The following DHRS3 variants were observed in gnomAD, a reference collection of about 807,000 sequenced individuals.
DHRS3 encodes the protein dehydrogenase/reductase 3, also known as short-chain dehydrogenase/reductase 3.
A neutral mutation model predicts 27.2 loss-of-function variants in DHRS3; 14 were observed. The observed-to-expected ratio is 0.52, with a 90% CI of 0.34 to 0.81. The LOEUF is 0.81. DHRS3 is among the 30% of genes least tolerant of loss of function. The probability of loss-of-function intolerance (pLI) is 0.01; values close to 1 mark genes in which losing one functional copy is unlikely to be tolerated. For synonymous variants in DHRS3, 165 were observed against 175.9 expected (o/e 0.94, Z 0.49); for missense variants, 322 against 406.2 (o/e 0.79, Z 1.78).
At chr1:12,595,440 G>C (rs1646787518) in intron 1 of DHRS3, among the ~76,000 whole-genome samples, 2 of 150,486 alleles carry the variant, frequency 1.3e-5, no homozygotes. Flanking sequence ...GGCTGGGCGG[G>C]GCTGCAGTGC....
chr1:12,583,646 A>C (rs1570368628), intron 1 of DHRS3, among the ~76,000 whole-genome samples: 4 of 104,770 alleles, frequency 3.8e-5, no homozygotes, highest in African/African-American at 1.1e-4. Context: ...TCCCTCACAT[A>C]CCCCACTCCA....
Position 12,578,689 on chromosome 1 carries a change from G to A in DHRS3, c.698+29C>T. On this transcript the variant is annotated intron_variant, in intron 4 of 5. Coordinates refer to ENST00000616661, the MANE Select transcript of DHRS3 (RefSeq NM_004753.7). This position sits in a 1 kb window ranked among gnomAD's most constrained non-coding sequence, Gnocchi z 4.5. ...CTTGGGGAGGCAGGTGAGAAGGCTG[G>A]TCTCAAGGTGGGTCCCCTGCTCACT... 3 of 1,590,468 alleles carry A rather than the reference G, an allele frequency of 1.9e-6. No individual in the cohort carries two copies. The highest frequency in any genetic ancestry group is 2.6e-6 in the Non-Finnish European group (3 of 1,159,428).
At position 12,617,858 on chromosome 1, in the gene DHRS3, A is replaced by AG. The variant is rs1491103053; in HGVS notation, c.-511dup. ...GCGCCCCCACCCCCACCCCGTCTCC[A>AG]GAAAAAAAAAAAAAAAAAAAGTGGG... On this transcript the variant is annotated 5_prime_UTR_variant, in exon 1 of 6. Transcript: ENST00000616661. 4 of 29,334 alleles carry AG rather than the reference A, an allele frequency of 1.4e-4. No homozygotes were observed. In the South Asian group the frequency reaches 3.5e-3, roughly 26 times the overall value. 1.8% of individuals were successfully genotyped at this position (29,334 alleles called of 1,614,324 possible).
chr1:12,599,873 T>C (rs1646823227), intron 1 of DHRS3, among the ~76,000 whole-genome samples: 1 of 152,216 alleles, frequency 6.6e-6, no homozygotes, highest in Non-Finnish European at 1.5e-5. Context: ...GCCCTAGTAT[T>C]TCCATCTTTA....
chr1:12,571,747 T>A (rs1216328531), intron 5 of DHRS3, among the ~76,000 whole-genome samples: 4 of 152,148 alleles, frequency 2.6e-5, no homozygotes, highest in Admixed American at 2.6e-4. Flanking sequence ...TTGGTCAGGC[T>A]GGTCTCGAAC....
intron 5 of DHRS3, among the ~76,000 whole-genome samples, chr1:12,569,229 T>TCACACACACA (rs1557509306): frequency 1.9e-3 from 273 of 140,344 alleles, no homozygotes; most frequent in African/African-American, 6.4e-3. Context: ...TCTCTCTCTC[T>TCACACACACA]CTCACACACA....
intron 1 of DHRS3, among the ~76,000 whole-genome samples, chr1:12,614,241 G>T (rs1007655310): frequency 6.6e-6 from 1 of 152,132 alleles, no homozygotes; most frequent in African/African-American, 2.4e-5. Context: ...TCCTCTCAGG[G>T]GCTCCTGCTA....
At chr1:12,596,131 T>G (rs1267008596) in intron 1 of DHRS3, 1 of 152,202 alleles carries the variant, frequency 6.6e-6, no homozygotes, top group Non-Finnish European at 1.5e-5. Flanking sequence ...CCACCAGACA[T>G]TGCAACACGC....
rs1002951170 is a variant in DHRS3 at position 12,616,861 on chromosome 1, G to A, written c.195+293C>T. The A allele has an allele frequency of 4.5e-5, 50 of 1,120,646 alleles. No individual in the cohort carries two copies. In the Admixed American group the frequency reaches 8.0e-4, roughly 18 times the overall value. 69.4% of individuals were successfully genotyped at this position (1,120,646 alleles called of 1,614,324 possible). On this transcript the variant is annotated intron_variant, in intron 1 of 5. Transcript: ENST00000616661. ...GGGGGCACAACACCTTCCTTTGGGA[G>A]GCAGGAATGTGGGAAATGGTGGGTC...
chr1:12,573,799 T>C (rs1459897120), intron 4 of DHRS3, among the ~76,000 whole-genome samples: 60 of 152,222 alleles, frequency 3.9e-4, no homozygotes, highest in Non-Finnish European at 1.0e-4. Context: ...AATGATGATG[T>C]TCCCTACGTG....
intron 1 of DHRS3, among the ~76,000 whole-genome samples, chr1:12,581,615 C>T (rs1488739389): frequency 6.6e-6 from 1 of 152,178 alleles, no homozygotes; most frequent in African/African-American, 2.4e-5. Context: ...TTATGAATGG[C>T]CAGCCCATAA....
At chr1:12,599,469 A>G (rs1646821107) in intron 1 of DHRS3, among the ~76,000 whole-genome samples, 1 of 152,260 alleles carries the variant, frequency 6.6e-6, no homozygotes, top group Admixed American at 6.5e-5. Context: ...GTCACCTTCC[A>G]GTAATGTGGG....
intron 1 of DHRS3, among the ~76,000 whole-genome samples, chr1:12,584,406 G>A (rs1373842323): frequency 6.6e-6 from 1 of 152,000 alleles, no homozygotes; most frequent in East Asian, 1.9e-4. Flanking sequence ...AGGGTCTGTT[G>A]AGGGTGCCCC....
Position 12,580,662 on chromosome 1 carries a change from A to G in DHRS3, c.200T>C (p.Val67Ala), listed in dbSNP as rs983974404. 1.2e-6 allele frequency: 2 copies of G among 1,612,620 alleles called. No individual in the cohort carries two copies. The highest frequency in any genetic ancestry group is 1.7e-6 in the Non-Finnish European group (2 of 1,178,980). ...EFAERGARKI[V>A]LWGRTEKCLK... is the part of the protein sequence containing the mutation. ...GCATTTCTCAGTCCGGCCCCAGAGA[A>G]CAATCTGGAAGAAGATAATAACAAC... The change falls in exon 2 of 6, where the codon GTT (valine) becomes GCT (alanine). Residue 67 changes from valine to alanine, a missense_variant. Val to Ala is a moderately conservative substitution (Grantham distance 64, BLOSUM62 0). Transcript: ENST00000616661.
rs1438211463 is a variant in DHRS3 at position 12,594,106 on chromosome 1, G to T, written c.196-13440C>A. Among the ~76,000 whole-genome samples the T allele has an allele frequency of 6.6e-6, 1 of 152,164 alleles. No homozygotes were observed. The highest frequency in any genetic ancestry group is 1.9e-4 in the East Asian group (1 of 5,190). Reference sequence around the variant, plus strand: ...GGGGTGCCAAGGAGAGGAGGGAGGAGCCAGCATCTACAGACCACCCTTCCC... The same window carrying T: ...GGGGTGCCAAGGAGAGGAGGGAGGATCCAGCATCTACAGACCACCCTTCCC... On this transcript the variant is annotated intron_variant, in intron 1 of 5. Coordinates refer to ENST00000616661, the MANE Select transcript of DHRS3 (RefSeq NM_004753.7). The surrounding 1 kb of genome is among the most constrained non-coding windows in gnomAD (Gnocchi z 4.1).
At position 12,599,795 on chromosome 1, in the gene DHRS3, A is replaced by G. The variant is rs556908730; in HGVS notation, c.195+17359T>C. On this transcript the variant is annotated intron_variant, in intron 1 of 5. Coordinates refer to ENST00000616661, the MANE Select transcript of DHRS3 (RefSeq NM_004753.7). ...CCAGGTTTCCTTTCCTAGAAGCCAG[A>G]CTGCCTGGATTCGAATCCCATGGCT... 2.4e-4 allele frequency among the ~76,000 whole-genome samples: 36 copies of G among 152,312 alleles called. No individual in the cohort carries two copies. In the South Asian group the frequency reaches 6.2e-3, roughly 26 times the overall value.
Position 12,578,645 on chromosome 1 carries a change from C to G in DHRS3, c.698+73G>C, listed in dbSNP as rs1646612952. 3 of 1,421,824 alleles carry G rather than the reference C, an allele frequency of 2.1e-6. No homozygotes were observed. The highest frequency in any genetic ancestry group is 3.0e-6 in the Non-Finnish European group (3 of 1,011,330). 88.1% of individuals were successfully genotyped at this position (1,421,824 alleles called of 1,614,324 possible). A position where few individuals can be genotyped will look rare whatever the true frequency, so the allele number is the denominator to read the frequency against. The stretch of plus-strand genomic sequence containing the variant: ...GATTTTTATATCAGAGCTCTTTCTG[C>G]AGTTGGCTGACTGAATGGCTTGGGG... On this transcript the variant is annotated intron_variant, in intron 4 of 5. Transcript: ENST00000616661. The surrounding 1 kb of genome is among the most constrained non-coding windows in gnomAD (Gnocchi z 4.5).
intron 1 of DHRS3, among the ~76,000 whole-genome samples, chr1:12,597,287 G>A (rs965638744): frequency 5.9e-5 from 9 of 152,186 alleles, no homozygotes; most frequent in Non-Finnish European, 1.3e-4. Flanking sequence ...ATCTTGGCCA[G>A]GCTGGTCTCG....
rs1051803311 is a variant in DHRS3, at chr1:12,578,290, A to C, written c.698+428T>G. On this transcript the variant is annotated intron_variant, in intron 4 of 5. Coordinates refer to ENST00000616661, the MANE Select transcript of DHRS3 (RefSeq NM_004753.7). The surrounding 1 kb of genome is among the most constrained non-coding windows in gnomAD (Gnocchi z 4.5). ...ACCGAGAACCAGGTAAGACAGCGTC[A>C]AACAGAGGGTAGAGGCTCCTTGGTG... Among the ~76,000 whole-genome samples the C allele has an allele frequency of 6.6e-6, 1 of 152,028 alleles. No individual in the cohort carries two copies. The highest frequency in any genetic ancestry group is 1.5e-5 in the Non-Finnish European group (1 of 68,026).
Sources: allele counts gnomAD v4.1 joint callset (sites outside exome capture counted in the v4.1 genomes callset), GRCh38; gene constraint gnomAD v4.1.1; non-coding constraint Gnocchi (gnomAD v3.1); transcripts MANE v1.5; gene names NCBI Gene and HGNC (gene_info 2026-07-23, HGNC 2026-07-21).